The following GALNTL5 variants were observed in gnomAD, a reference collection of about 807,000 sequenced individuals.
The protein encoded by GALNTL5 is inactive polypeptide N-acetylgalactosaminyltransferase-like protein 5.
GALNTL5 carries 44 observed loss-of-function variants against 51.0 expected under a neutral mutation model. That is an observed-to-expected ratio of 0.86 (90% confidence interval 0.68 to 1.11). The LOEUF (loss-of-function observed/expected upper bound fraction) is 1.11. Ranked by LOEUF, GALNTL5 falls within the 50% of genes least tolerant of loss-of-function variation. The pLI is 0.00. For synonymous variants in GALNTL5, 192 were observed against 182.8 expected (o/e 1.05, Z -0.41); for missense variants, 528 against 531.8 (o/e 0.99, Z 0.07).
chr7:151,978,407 A>G (rs923770145), intron 3 of GALNTL5, among the ~76,000 whole-genome samples: 1 of 152,132 alleles, frequency 6.6e-6, no homozygotes. Context: ...CTGGTGGACT[A>G]TTTCCACTCA....
At position 151,962,436 on chromosome 7, in the gene GALNTL5, C is replaced by CTTTTTTTTTTTTTT. The variant is rs61210832; in HGVS notation, c.-39-4770_-39-4757dup. 2.8e-4 allele frequency among the ~76,000 whole-genome samples: 33 copies of CTTTTTTTTTTTTTT among 116,234 alleles called. 1 individual carries two copies. The highest frequency in any genetic ancestry group is 4.2e-4 in the Non-Finnish European group (24 of 57,320). The allele number at this position is 116,234 out of a possible 152,430, so 76.3% of individuals were successfully genotyped here. A position where few individuals can be genotyped will look rare whatever the true frequency, so the allele number is the denominator to read the frequency against. ...AAAAAAGTCTGTGTGATTTTTTTTT[C>CTTTTTTTTTTTTTT]TTTTTTTTTTTTTTTGGTTAATGCA... On this transcript the variant is annotated intron_variant, in intron 1 of 8. Coordinates refer to ENST00000392800, the MANE Select transcript of GALNTL5 (RefSeq NM_145292.4).
At position 151,981,458 on chromosome 7, in the gene GALNTL5, T is replaced by C. The variant is rs572633827; in HGVS notation, c.369-1528T>C. The stretch of plus-strand genomic sequence containing the variant: ...AGTGTCCAGACATCATTCAAGCCTC[T>C]AGTTCTAATCATTCCTTGAGGCTCC... On this transcript the variant is annotated intron_variant, in intron 3 of 8. Coordinates refer to ENST00000392800, the MANE Select transcript of GALNTL5 (RefSeq NM_145292.4). Among the ~76,000 whole-genome samples, 15 of 152,222 alleles carry C rather than the reference T, an allele frequency of 9.9e-5. No homozygotes were observed. In the East Asian group the frequency reaches 1.9e-3, roughly 20 times the overall value.
intron 5 of GALNTL5, among the ~76,000 whole-genome samples, chr7:152,000,330 A>G (rs1354108482): frequency 6.6e-6 from 1 of 152,220 alleles, no homozygotes; most frequent in Non-Finnish European, 1.5e-5. Context: ...GGAGCTGAGA[A>G]GACAGATTGA....
At chr7:152,013,778 G>A (rs137905397) in intron 7 of GALNTL5, among the ~76,000 whole-genome samples, 6 of 152,206 alleles carry the variant, frequency 3.9e-5, no homozygotes, top group East Asian at 1.9e-4. Flanking sequence ...TTATGTCTAC[G>A]TGAGTTTACA....
chr7:152,014,697 T>C lies in GALNTL5; in HGVS notation c.1080T>C (p.His360=). ...LFIIPCSRVG[H]ISKKQTGKPS... is the part of the protein sequence containing the mutation. ...TAATCCCCTGCTCTCGAGTAGGACA[T>C]ATCAGTAAGAAACAAACTGGAAAAC... The change falls in exon 8 of 9, where the codon CAT becomes CAC. Residue 360 remains histidine (H), a synonymous_variant. Transcript: ENST00000392800. 2 of 1,614,042 alleles carry C rather than the reference T, an allele frequency of 1.2e-6. No homozygotes were observed. The highest frequency in any genetic ancestry group is 1.7e-6 in the Non-Finnish European group (2 of 1,179,926).
intron 4 of GALNTL5, among the ~76,000 whole-genome samples, chr7:151,984,660 G>T (rs980052432): frequency 6.6e-6 from 1 of 152,124 alleles, no homozygotes; most frequent in Non-Finnish European, 1.5e-5. Flanking sequence ...AGAGTGTGGA[G>T]TGAGGGCCTG....
intron 7 of GALNTL5, among the ~76,000 whole-genome samples, chr7:152,008,197 T>C (rs1189104617): frequency 1.3e-5 from 2 of 151,762 alleles, no homozygotes; most frequent in Non-Finnish European, 2.9e-5. Context: ...GTGGATTGTT[T>C]GAAGCCAGGA....
At chr7:151,967,017 A>G (rs1374018949) in intron 1 of GALNTL5, among the ~76,000 whole-genome samples, 191 bp from the exon 2 acceptor site, 3 of 152,170 alleles carry the variant, frequency 2.0e-5, no homozygotes. Context: ...ATACATTTTG[A>G]TGTTAAATAA....
chr7:151,968,173 C>A (rs1252935053), intron 2 of GALNTL5, among the ~76,000 whole-genome samples: 1 of 151,942 alleles, frequency 6.6e-6, no homozygotes, highest in Non-Finnish European at 1.5e-5. Flanking sequence ...GTGGTGCATG[C>A]CTGCAGTCCC....
chr7:151,985,528 A>G (rs540977265), intron 4 of GALNTL5, among the ~76,000 whole-genome samples: 453 of 152,252 alleles, frequency 3.0e-3, no homozygotes, highest in Non-Finnish European at 4.2e-3. Flanking sequence ...ACCTATAGGT[A>G]TGGCCGATAG....
chr7:152,011,445 C>G (rs557262463), intron 7 of GALNTL5, among the ~76,000 whole-genome samples: 6 of 152,380 alleles, frequency 3.9e-5, no homozygotes, highest in African/African-American at 1.2e-4. Flanking sequence ...TCTTGGTTCA[C>G]CTGATCTCCC....
At chr7:152,017,573 A>G (rs1044789329) in intron 8 of GALNTL5, among the ~76,000 whole-genome samples, 6 of 152,222 alleles carry the variant, frequency 3.9e-5, no homozygotes, top group African/African-American at 1.4e-4. Flanking sequence ...TGCATGAATA[A>G]TCAGATATCA....
At chr7:152,016,602 T>C (rs112250978) in intron 8 of GALNTL5, among the ~76,000 whole-genome samples, 61 of 152,228 alleles carry the variant, frequency 4.0e-4, no homozygotes, top group Non-Finnish European at 3.2e-4. Context: ...CGCATGCTTT[T>C]GTGCACCAGG....
chr7:151,957,139 C>T (rs1490361437), intron 1 of GALNTL5, among the ~76,000 whole-genome samples: 38 of 105,734 alleles, frequency 3.6e-4, no homozygotes, highest in Non-Finnish European at 5.0e-4. Context: ...GACTCTGTCT[C>T]GAGAAAAAAA....
At position 151,987,174 on chromosome 7, in the gene GALNTL5, A is replaced by G; in HGVS notation, c.551A>G (p.Lys184Arg). Residue 184 changes from lysine (K) to arginine (R), a missense_variant, in exon 5 of 9, where the codon AAA (lysine) becomes AGA (arginine). Physicochemically the swap from Lys to Arg is conservative, Grantham distance 26. Transcript: ENST00000392800. Reference protein sequence around the residue: ...DMSKVDDLKEKLDYHLETFRG... With the variant: ...DMSKVDDLKERLDYHLETFRG... ...ATTTTTCCAGATGATTTGAAAGAAAAACTAGACTATCACCTGGAAACTTTT... is the reference window on the plus strand; with the variant it reads ...ATTTTTCCAGATGATTTGAAAGAAAGACTAGACTATCACCTGGAAACTTTT... 6.3e-7 allele frequency: 1 copy of G among 1,589,376 alleles called. No individual in the cohort carries two copies. Among genetic ancestry groups the G allele is most frequent in the Non-Finnish European group, 8.5e-7 (1 of 1,172,204 alleles).
intron 1 of GALNTL5, among the ~76,000 whole-genome samples, chr7:151,959,097 T>A (rs368047727): frequency 1.3e-5 from 2 of 152,206 alleles, no homozygotes; most frequent in East Asian, 1.9e-4. Context: ...CTTTAAGCTG[T>A]CTTTGGCTTG....
intron 3 of GALNTL5, 73 bp from the exon 4 acceptor site, chr7:151,982,913 G>C (rs778686928): frequency 6.2e-7 from 1 of 1,611,638 alleles, no homozygotes; most frequent in Non-Finnish European, 8.5e-7. Context: ...ATAAGGAGAA[G>C]TGTTTGAACG....
intron 5 of GALNTL5, among the ~76,000 whole-genome samples, chr7:151,990,912 C>A (rs974392941): frequency 6.6e-6 from 1 of 152,124 alleles, no homozygotes; most frequent in African/African-American, 2.4e-5. Flanking sequence ...TAGAAATAAA[C>A]TTCCATTGCA....
At chr7:151,988,898 C>CAT in intron 5 of GALNTL5, among the ~76,000 whole-genome samples, 1 of 151,866 alleles carries the variant, frequency 6.6e-6, no homozygotes, top group Non-Finnish European at 1.5e-5. Context: ...CGGGGTTTTG[C>CAT]CATGTTGGCC....
Sources: allele counts gnomAD v4.1 joint callset (sites outside exome capture counted in the v4.1 genomes callset), GRCh38; gene constraint gnomAD v4.1.1; transcripts MANE v1.5; gene names NCBI Gene and HGNC (gene_info 2026-07-23, HGNC 2026-07-21).